RBFOX1: variants seen among roughly 807,000 people sequenced by gnomAD.
RBFOX1 encodes RNA binding protein fox-1 homolog 1.
Under a neutral mutation model 57.7 loss-of-function variants are expected in RBFOX1, and 8 were observed. That is an observed-to-expected ratio of 0.14 (90% CI 0.08 to 0.25). The LOEUF is 0.25. Among genes scored for constraint, RBFOX1 ranks in the 10% least tolerant of loss-of-function variants. RBFOX1 has a pLI of 1.00. For synonymous variants in RBFOX1, 326 were observed against 222.4 expected, an observed-to-expected ratio of 1.47 and a Z score of -4.15; for missense variants, 611 against 548.5, an observed-to-expected ratio of 1.11 and a Z score of -1.14.
At chr16:6,904,314 C>G (rs534310316) in intron 3 of RBFOX1, among the ~76,000 whole-genome samples, 6 of 152,070 alleles carry the variant, frequency 3.9e-5, no homozygotes, top group African/African-American at 1.4e-4. Flanking sequence ...ACCCATCCAT[C>G]TTTAGGCCAG....
At chr16:5,454,903 TTTCTTTCTTTCC>T (rs2068557232) in intron 1 of RBFOX1, among the ~76,000 whole-genome samples, 2 of 97,402 alleles carry the variant, frequency 2.1e-5, no homozygotes, top group Non-Finnish European at 4.3e-5. Context: ...TCTTTCTTTC[TTTCTTTCTTTCC>T]TTTGTTTCTT....
intron 2 of RBFOX1, among the ~76,000 whole-genome samples, chr16:5,581,639 G>C (rs1303275053): frequency 2.0e-5 from 3 of 152,218 alleles, no homozygotes; most frequent in African/African-American, 7.2e-5. Flanking sequence ...TCTGGACTTT[G>C]ACATGAAGGA....
chr16:6,121,378 A>T (rs1348995029), intron 1 of RBFOX1, among the ~76,000 whole-genome samples: 1 of 152,102 alleles, frequency 6.6e-6, no homozygotes, highest in Non-Finnish European at 1.5e-5. Context: ...TAGTGTGCTG[A>T]GTGTGCTGTG....
intron 2 of RBFOX1, among the ~76,000 whole-genome samples, chr16:6,605,791 G>C (rs2097917350): frequency 6.6e-6 from 1 of 152,102 alleles, no homozygotes; most frequent in Non-Finnish European, 1.5e-5. Context: ...ACAACACACG[G>C]GAAACTATAC....
In RBFOX1 at chr16:6,859,129, A is replaced by ATGTATATATATATATG. The variant is rs1567592071; in HGVS notation, c.-15-192928_-15-192927insTGTATATATATATATG. 5.8e-3 allele frequency among the ~76,000 whole-genome samples: 436 copies of ATGTATATATATATATG among 75,568 alleles called. 17 individuals are homozygous for ATGTATATATATATATG. Among genetic ancestry groups the ATGTATATATATATATG allele is most frequent in the East Asian group, 8.1e-3 (17 of 2,090 alleles). 49.6% of individuals were successfully genotyped at this position (75,568 alleles called of 152,430 possible). The stretch of plus-strand genomic sequence containing the variant: ...AAAAAGTGTATATATATATATATAT[A>ATGTATATATATATATG]CATATATATACGTATATATATATGT... On this transcript the variant is annotated intron_variant, in intron 3 of 15. Transcript: ENST00000550418.
intron 3 of RBFOX1, among the ~76,000 whole-genome samples, chr16:6,896,896 C>G (rs1464099688): frequency 6.6e-6 from 1 of 152,050 alleles, no homozygotes; most frequent in Non-Finnish European, 1.5e-5. Flanking sequence ...ATTTAGGTGA[C>G]ATTTTTAAAA....
At chr16:6,641,991 C>G (rs189056686) in intron 2 of RBFOX1, among the ~76,000 whole-genome samples, 1 of 152,070 alleles carries the variant, frequency 6.6e-6, no homozygotes. Flanking sequence ...AATGAAAGCA[C>G]CAGGGATTAT....
chr16:6,993,822 T>C (rs1272279337), intron 3 of RBFOX1, among the ~76,000 whole-genome samples: 4 of 152,168 alleles, frequency 2.6e-5, no homozygotes, highest in East Asian at 1.9e-4. Context: ...GATAGTATGC[T>C]TGCATGAACA....
At chr16:6,080,345 G>T (rs2152505219) in intron 1 of RBFOX1, among the ~76,000 whole-genome samples, 1 of 152,260 alleles carries the variant, frequency 6.6e-6, no homozygotes, top group African/African-American at 2.4e-5. Context: ...GACCTTCAGG[G>T]TTCCAGCTCT....
At chr16:7,385,356 GAAGGAA>G (rs2097857910) in intron 4 of RBFOX1, among the ~76,000 whole-genome samples, 1 of 152,152 alleles carries the variant, frequency 6.6e-6, no homozygotes, top group Non-Finnish European at 1.5e-5. Context: ...AATGGAAGGT[GAAGGAA>G]ATGGAAGTAC....
At chr16:7,049,410 C>T (rs1169755110) in intron 3 of RBFOX1, among the ~76,000 whole-genome samples, 1 of 152,054 alleles carries the variant, frequency 6.6e-6, no homozygotes, top group East Asian at 1.9e-4. Flanking sequence ...CCTGAGATTG[C>T]CTGGAGACTG....
chr16:7,618,163 A>T (rs943280908), intron 10 of RBFOX1, among the ~76,000 whole-genome samples: 1 of 152,206 alleles, frequency 6.6e-6, no homozygotes, highest in Admixed American at 6.5e-5. Context: ...AAAATTTTAC[A>T]TAATGAAATC....
At chr16:6,871,706 A>G (rs148023233) in intron 3 of RBFOX1, among the ~76,000 whole-genome samples, 279 of 152,196 alleles carry the variant, frequency 1.8e-3, no homozygotes, top group African/African-American at 6.5e-3. Context: ...TCTATTCTCC[A>G]TATACCAGAA....
At chr16:7,693,280 G>A (rs371149334) in intron 14 of RBFOX1, 3 of 1,598,446 alleles carry the variant, frequency 1.9e-6, no homozygotes, top group Non-Finnish European at 2.6e-6. Flanking sequence ...TTCCCCCTGA[G>A]CGAGCAGTAT....
At chr16:7,335,606 A>AAAAAAAAAAAAAG (rs1568270544) in intron 4 of RBFOX1, among the ~76,000 whole-genome samples, 1 of 64,938 alleles carries the variant, frequency 1.5e-5, no homozygotes, top group African/African-American at 1.5e-4. Flanking sequence ...AAAAAAAAAA[A>AAAAAAAAAAAAAG]AAACCAAGTG....
intron 1 of RBFOX1, among the ~76,000 whole-genome samples, chr16:6,260,556 T>A (rs1400181106): frequency 6.6e-6 from 1 of 152,158 alleles, no homozygotes; most frequent in Non-Finnish European, 1.5e-5. Context: ...ATTAAATATC[T>A]GTATTAAGAT....
At chr16:6,472,280 C>T (rs935817397) in intron 2 of RBFOX1, among the ~76,000 whole-genome samples, 2 of 152,274 alleles carry the variant, frequency 1.3e-5, no homozygotes, top group South Asian at 2.1e-4. Context: ...AACCCTGCAG[C>T]GTTAGGGAGA....
intron 3 of RBFOX1, among the ~76,000 whole-genome samples, chr16:6,773,265 TTGTG>T (rs1178711453): frequency 9.5e-5 from 11 of 116,394 alleles, no homozygotes; most frequent in Non-Finnish European, 1.6e-4. Flanking sequence ...TGGGGTGCAT[TTGTG>T]TGTGTGTAAG....
At chr16:6,744,059 G>C (rs1317321420) in intron 3 of RBFOX1, among the ~76,000 whole-genome samples, 1 of 151,956 alleles carries the variant, frequency 6.6e-6, no homozygotes, top group Non-Finnish European at 1.5e-5. Context: ...TACAGAATGT[G>C]ATCACTAATC....
Sources: allele counts gnomAD v4.1 joint callset (sites outside exome capture counted in the v4.1 genomes callset), GRCh38; gene constraint gnomAD v4.1.1; transcripts MANE v1.5; gene names NCBI Gene and HGNC (gene_info 2026-07-23, HGNC 2026-07-21).